The following CAB39L variants were observed in gnomAD, a reference collection of about 807,000 sequenced individuals.
CAB39L encodes the protein calcium binding protein 39 like.
In CAB39L, 23 loss-of-function variants were observed where a neutral mutation model predicts 39.1. That is an observed-to-expected ratio of 0.59 (90% CI 0.42 to 0.83). CAB39L has a LOEUF of 0.83. CAB39L is among the 40% of genes least tolerant of loss of function. The probability of loss-of-function intolerance (pLI) is 0.00; values close to 1 mark genes in which losing one functional copy is unlikely to be tolerated. For missense variants in CAB39L, 366 were observed against 391.9 expected, an observed-to-expected ratio of 0.93 and a Z score of 0.56; for synonymous variants, 126 against 137.2, an observed-to-expected ratio of 0.92 and a Z score of 0.57.
chr13:49,351,102 G>T, intron 6 of CAB39L, 190 bp from the exon 7 acceptor site: 13 of 334,590 alleles, frequency 3.9e-5, no homozygotes, highest in Non-Finnish European at 4.2e-5. Context: ...GAATTTGAGT[G>T]TATTCTGAAA....
At chr13:49,337,774 AC>A (rs1954888264) in intron 9 of CAB39L, among the ~76,000 whole-genome samples, 1 of 129,800 alleles carries the variant, frequency 7.7e-6, no homozygotes, top group African/African-American at 2.9e-5. Flanking sequence ...ACACACACAC[AC>A]GCCTATCTCC....
rs1957463212 is a variant in CAB39L at position 49,439,192 on chromosome 13, T to C, written c.-246+4794A>G. Among the ~76,000 whole-genome samples the C allele has an allele frequency of 2.6e-5, 4 of 152,358 alleles. No homozygotes were observed. The South Asian group carries it at 8.3e-4, about 32-fold the overall frequency. On this transcript the variant is annotated intron_variant, in intron 1 of 10. Coordinates refer to ENST00000409308, the MANE Select transcript of CAB39L (RefSeq NM_001079670.3). ...AACTGTCTTTTTCTTAATCTTTTAT[T>C]GAGTTTTGTCTGCTCTCATTGCACC...
chr13:49,358,203 A>G (rs2138496397), intron 6 of CAB39L, among the ~76,000 whole-genome samples: 3 of 152,346 alleles, frequency 2.0e-5, no homozygotes, highest in Middle Eastern at 3.4e-3. Flanking sequence ...CAGAGCTGAA[A>G]GAAACAATTC....
intron 6 of CAB39L, among the ~76,000 whole-genome samples, chr13:49,351,440 T>C (rs573845150): frequency 6.6e-6 from 1 of 152,092 alleles, no homozygotes; most frequent in East Asian, 1.9e-4. Context: ...TGTGATTCGA[T>C]TGTAGAGGAA....
In CAB39L at chr13:49,412,365, TAAAA is replaced by T. The variant is rs3035439; in HGVS notation, c.-32+20949_-32+20952del. Among the ~76,000 whole-genome samples, 224 of 150,426 alleles carry T rather than the reference TAAAA, an allele frequency of 1.5e-3. 2 individuals carry two copies. Among genetic ancestry groups the T allele is most frequent in the African/African-American group, 4.9e-3 (202 of 41,050 alleles). On this transcript the variant is annotated intron_variant, in intron 3 of 10. Transcript: ENST00000409308. ...ATAAATAAAATTTACCTTTGCCATT[TAAAA>T]AAAAAAAAATGGCAAAAACCACAAT...
At chr13:49,381,538 A>G (rs1334865485) in intron 4 of CAB39L, among the ~76,000 whole-genome samples, 2 of 152,140 alleles carry the variant, frequency 1.3e-5, no homozygotes, top group East Asian at 1.9e-4. Flanking sequence ...TATTATTCCT[A>G]TTTTATAGAT....
At chr13:49,404,146 C>T (rs1342833783) in intron 3 of CAB39L, among the ~76,000 whole-genome samples, 3 of 152,164 alleles carry the variant, frequency 2.0e-5, no homozygotes, top group East Asian at 1.9e-4. Context: ...CACAAGAGGG[C>T]TTGCACCATC....
intron 3 of CAB39L, among the ~76,000 whole-genome samples, chr13:49,404,699 T>C (rs2138665773): frequency 1.3e-5 from 2 of 152,162 alleles, no homozygotes; most frequent in Middle Eastern, 6.8e-3. Flanking sequence ...ATAGAAGGAA[T>C]TCAGAATCTT....
At chr13:49,368,241 C>A (rs1955822909) in intron 5 of CAB39L, among the ~76,000 whole-genome samples, 1 of 152,196 alleles carries the variant, frequency 6.6e-6, no homozygotes, top group African/African-American at 2.4e-5. Context: ...GGAAAACATT[C>A]TTCTAGTTCA....
intron 10 of CAB39L, among the ~76,000 whole-genome samples, chr13:49,316,044 G>A (rs1334453257): frequency 6.6e-6 from 1 of 151,780 alleles, no homozygotes; most frequent in Non-Finnish European, 1.5e-5. Context: ...CGGAGAACAG[G>A]AAAATGACAG....
chr13:49,367,421 T>G lies in CAB39L; in HGVS notation c.277-7589A>C, dbSNP rs566952304. Among the ~76,000 whole-genome samples, 118 of 152,320 alleles carry G rather than the reference T, an allele frequency of 7.7e-4. 1 individual carries two copies. The highest frequency in any genetic ancestry group is 2.3e-3 in the South Asian group (11 of 4,828). On this transcript the variant is annotated intron_variant, in intron 5 of 10. Coordinates refer to ENST00000409308, the MANE Select transcript of CAB39L (RefSeq NM_001079670.3). ...GTACTCATACATTGTAGTGGAAATG[T>G]AAAACAGTATAGCCAATCTGGAAAA...
intron 6 of CAB39L, among the ~76,000 whole-genome samples, chr13:49,358,712 T>C (rs1955549445): frequency 6.6e-6 from 1 of 151,960 alleles, no homozygotes; most frequent in South Asian, 2.1e-4. Flanking sequence ...ATACAAAAAT[T>C]AGCCATGCGT....
At chr13:49,312,858 T>C (rs1954035764) in intron 10 of CAB39L, among the ~76,000 whole-genome samples, 1 of 152,232 alleles carries the variant, frequency 6.6e-6, no homozygotes, top group African/African-American at 2.4e-5. Context: ...GATTTTACCA[T>C]TGTGCCTCAA....
At chr13:49,358,030 T>A (rs902397408) in intron 6 of CAB39L, among the ~76,000 whole-genome samples, 5 of 152,250 alleles carry the variant, frequency 3.3e-5, no homozygotes, top group Non-Finnish European at 7.3e-5. Flanking sequence ...AGATAGCACA[T>A]GCTGAAGATG....
intron 4 of CAB39L, among the ~76,000 whole-genome samples, chr13:49,377,796 C>T (rs1703159096): frequency 2.1e-5 from 2 of 95,176 alleles, no homozygotes; most frequent in Admixed American, 9.1e-5. Flanking sequence ...GAGATTGCAG[C>T]CTCTGCCCGG....
chr13:49,439,313 T>G (rs113908775), intron 1 of CAB39L, among the ~76,000 whole-genome samples: 3,086 of 152,304 alleles, frequency 0.02, 119 homozygotes, highest in African/African-American at 0.068. Flanking sequence ...AAGTTCTCTT[T>G]TAGATTTGGG....
At position 49,311,119 on chromosome 13, in the gene CAB39L, T is replaced by C. The variant is rs1302062385; in HGVS notation, c.835-126A>G. On this transcript the variant is annotated intron_variant, in intron 10 of 10. Coordinates refer to ENST00000409308, the MANE Select transcript of CAB39L (RefSeq NM_001079670.3). Reference sequence around the variant, plus strand: ...ATGCGTGACTGATATTATTAATGCGTAGAAGCCCCTGACTCTAATTCTCAG... The same window carrying C: ...ATGCGTGACTGATATTATTAATGCGCAGAAGCCCCTGACTCTAATTCTCAG... The C allele has an allele frequency of 9.2e-5, 69 of 747,716 alleles. No homozygotes were observed. The East Asian group carries it at 1.4e-3, about 15-fold the overall frequency. 46.3% of individuals were successfully genotyped at this position (747,716 alleles called of 1,614,324 possible).
At chr13:49,423,461 T>C (rs538889852) in intron 3 of CAB39L, among the ~76,000 whole-genome samples, 6 of 152,284 alleles carry the variant, frequency 3.9e-5, no homozygotes, top group Non-Finnish European at 7.4e-5. Flanking sequence ...CTCACATCTA[T>C]AATCCCAACA....
At chr13:49,411,129 C>A (rs1345455371) in intron 3 of CAB39L, among the ~76,000 whole-genome samples, 1 of 152,048 alleles carries the variant, frequency 6.6e-6, no homozygotes, top group Non-Finnish European at 1.5e-5. Flanking sequence ...AAAATCCCAG[C>A]CCGGTGTGGT....
Sources: gnomAD v4.1 joint callset for allele counts (sites outside exome capture counted in the v4.1 genomes callset) on GRCh38, gnomAD v4.1.1 for gene constraint, MANE v1.5 for transcripts, NCBI Gene and HGNC (gene_info 2026-07-23, HGNC 2026-07-21) for gene names.